Variants in MAPKBP1 observed in about 807,000 individuals in gnomAD.
The protein encoded by MAPKBP1 is mitogen-activated protein kinase binding protein 1.
MAPKBP1 carries 71 observed loss-of-function variants against 170.5 expected under a neutral mutation model. That is an observed-to-expected ratio of 0.42 (90% CI 0.34 to 0.51). The LOEUF (loss-of-function observed/expected upper bound fraction) is 0.51. Among genes scored for constraint, MAPKBP1 ranks in the 20% least tolerant of loss-of-function variants. The pLI, the probability that MAPKBP1 is intolerant of heterozygous loss-of-function variation, is 0.06. For synonymous variants in MAPKBP1, 719 were observed against 757.9 expected (o/e 0.95, Z 0.84); for missense variants, 1,598 against 1,933.0 (o/e 0.83, Z 3.25).
At chr15:41,812,464 T>G (rs926848688) in intron 6 of MAPKBP1, 52 bp from the exon 7 acceptor site, 17 of 1,611,776 alleles carry the variant, frequency 1.1e-5, no homozygotes, top group African/African-American at 5.3e-5. Context: ...AGTCACTGTC[T>G]TCTTAGCTCC....
Position 41,822,691 on chromosome 15 carries a change from C to T in MAPKBP1, c.3314+14C>T, listed in dbSNP as rs1464542140. ...CCGCCCACTCAGGTACAGAGGCCCC[C>T]TACCCCCCAGCAGCAGCTCTGGCTC... On this transcript the variant is annotated intron_variant, in intron 27 of 30. Transcript: ENST00000457542. The T allele has an allele frequency of 1.2e-6, 2 of 1,613,676 alleles. No individual in the cohort carries two copies. The highest frequency in any genetic ancestry group is 2.2e-5 in the South Asian group (2 of 91,074).
chr15:41,825,507 A>C lies in MAPKBP1; in HGVS notation c.*71A>C. On this transcript the variant is annotated 3_prime_UTR_variant, in exon 31 of 31. Coordinates refer to ENST00000457542, the MANE Select transcript of MAPKBP1 (RefSeq NM_014994.3). The stretch of plus-strand genomic sequence containing the variant: ...AACTGCAGCCCCTCTGCCCCTCACC[A>C]AAACCTGCGGGGCTGCTTGGAGTGG... 2.9e-6 allele frequency: 4 copies of C among 1,376,734 alleles called. No homozygotes were observed. The highest frequency in any genetic ancestry group is 3.9e-6 in the Non-Finnish European group (4 of 1,012,906). The allele number at this position is 1,376,734 out of a possible 1,614,324, so 85.3% of individuals were successfully genotyped here. A position where few individuals can be genotyped will look rare whatever the true frequency, so the allele number is the denominator to read the frequency against.
In MAPKBP1 at chr15:41,825,457, G is replaced by A. The variant is rs1469332964; in HGVS notation, c.*21G>A. ...TCTGAGTTCTGGAAGCCTGTCCCAA[G>A]TGAATGAATGCTCCAGCGATTCCAA... is the stretch of plus-strand genomic sequence containing the variant. On this transcript the variant is annotated 3_prime_UTR_variant, in exon 31 of 31. Coordinates refer to ENST00000457542, the MANE Select transcript of MAPKBP1 (RefSeq NM_014994.3). 6.4e-7 allele frequency: 1 copy of A among 1,572,726 alleles called. No individual in the cohort carries two copies. The highest frequency in any genetic ancestry group is 8.7e-7 in the Non-Finnish European group (1 of 1,152,778).
At chr15:41,812,753 C>T in intron 7 of MAPKBP1, 100 bp downstream of exon 7, 2 of 1,487,788 alleles carry the variant, frequency 1.3e-6, no homozygotes, top group Non-Finnish European at 1.8e-6. Context: ...CTCTGCATTC[C>T]CAGCAGTCAT....
intron 11 of MAPKBP1, 33 bp from the exon 12 acceptor site, chr15:41,815,591 G>C (rs759760650): frequency 2.0e-5 from 32 of 1,601,510 alleles, no homozygotes; most frequent in Non-Finnish European, 2.6e-5. Context: ...GGTCAGGCCT[G>C]CCTCATCCAC....
At chr15:41,819,557 G>GCAGCC in intron 21 of MAPKBP1, 38 bp from the exon 22 acceptor site, 1 of 1,384,690 alleles carries the variant, frequency 7.2e-7, no homozygotes, top group Non-Finnish European at 1.0e-6. Context: ...CGGGGGGGGG[G>GCAGCC]CAGGAGACAC....
At chr15:41,806,372 C>G (rs1176925952) in intron 3 of MAPKBP1, among the ~76,000 whole-genome samples, 1 of 152,194 alleles carries the variant, frequency 6.6e-6, no homozygotes, top group Non-Finnish European at 1.5e-5. Flanking sequence ...TGAAAGAAAA[C>G]AATTCAAAGG....
intron 4 of MAPKBP1, 108 bp from the exon 5 acceptor site, chr15:41,811,070 C>T (rs1308893788): frequency 6.6e-7 from 1 of 1,517,630 alleles, no homozygotes; most frequent in Non-Finnish European, 9.1e-7. Context: ...TGGGGAAGTG[C>T]CACATGTGCC....
chr15:41,807,880 T>C (rs2064727097), intron 3 of MAPKBP1, among the ~76,000 whole-genome samples: 1 of 151,632 alleles, frequency 6.6e-6, no homozygotes, highest in African/African-American at 2.4e-5. Context: ...CTACTAAAAA[T>C]ATAAAAAAAT....
At chr15:41,800,037 T>C (rs1405876195) in intron 3 of MAPKBP1, 123 bp downstream of exon 3, 2 of 828,918 alleles carry the variant, frequency 2.4e-6, no homozygotes, top group Non-Finnish European at 4.0e-6. Flanking sequence ...TGTTTTGTTG[T>C]CATTTTTGTA....
intron 11 of MAPKBP1, 64 bp from the exon 12 acceptor site, chr15:41,815,560 C>G (rs1029531002): frequency 1.3e-5 from 21 of 1,565,616 alleles, no homozygotes; most frequent in Non-Finnish European, 1.7e-5. Context: ...GCTCAGCTTT[C>G]TTGCCCCTTG....
Position 41,825,339 on chromosome 15 carries a change from C to T in MAPKBP1, c.4430C>T (p.Pro1477Leu), listed in dbSNP as rs1367712562. 2 of 1,613,280 alleles carry T rather than the reference C, an allele frequency of 1.2e-6. No homozygotes were observed. The highest frequency in any genetic ancestry group is 1.3e-5 in the African/African-American group (1 of 74,948). The change falls in exon 31 of 31, where the codon CCT (proline) becomes CTT (leucine). Residue 1477 changes from proline (P) to leucine (L), a missense_variant. Physicochemically the swap from Pro to Leu is moderately conservative, Grantham distance 98. Coordinates refer to ENST00000457542, the MANE Select transcript of MAPKBP1 (RefSeq NM_014994.3). ...GTGCTGTCCAGCCCAGGCAGCAGCC[C>T]TGGGGCTGTGGGAGCCGAGCAGACA... is the stretch of plus-strand genomic sequence containing the variant. The part of the protein sequence containing the change: ...GAVLSSPGSS[P>L]GAVGAEQTQA...
Position 41,815,185 on chromosome 15 carries a change from C to A in MAPKBP1, c.1171-74C>A, listed in dbSNP as rs1029064703. 1.7e-5 allele frequency: 27 copies of A among 1,573,776 alleles called. No individual in the cohort carries two copies. The African/African-American group carries it at 3.5e-4, about 20-fold the overall frequency. On this transcript the variant is annotated intron_variant, in intron 10 of 30. Transcript: ENST00000457542. Reference sequence around the variant, plus strand: ...CCACCATTCCCTTTTTCGTCCCATTCCCTTCCATCTCCTTGGGTAGGCAGA... The same window carrying A: ...CCACCATTCCCTTTTTCGTCCCATTACCTTCCATCTCCTTGGGTAGGCAGA...
chr15:41,825,379 G>A lies in MAPKBP1; in HGVS notation c.4470G>A (p.Glu1490=). The change falls in exon 31 of 31, where the codon GAG becomes GAA. Residue 1490 remains glutamate (E), a synonymous_variant. Transcript: ENST00000457542. Reference sequence around the variant, plus strand: ...CCGAGCAGACACAGGCCCTGCTGGAGCAATACTCAGAACTGTTGCTTCGAG... The same window carrying A: ...CCGAGCAGACACAGGCCCTGCTGGAACAATACTCAGAACTGTTGCTTCGAG... ...VGAEQTQALL[E]QYSELLLRAV... 1.2e-6 allele frequency: 2 copies of A among 1,613,540 alleles called. No homozygotes were observed. Among genetic ancestry groups the A allele is most frequent in the Non-Finnish European group, 1.7e-6 (2 of 1,179,990 alleles).
chr15:41,815,736 G>A lies in MAPKBP1; in HGVS notation c.1430G>A (p.Arg477His). The change falls in exon 12 of 31, where the codon CGC becomes CAC. Residue 477 changes from arginine to histidine, a missense_variant. Physicochemically the swap from Arg to His is conservative, Grantham distance 29. Around this residue, in one of 6 missense-constraint regions of MAPKBP1, gnomAD observed 430 missense variants for 617.2 expected, o/e 0.70. Transcript: ENST00000457542. ...CTGTTGGATCCCCGCGTGGGCATCC[G>A]CTCGGTGTGTGTCAGCCCCAATGGA... ...ASLLDPRVGI[R>H]SVCVSPNGQH... 3 of 1,614,168 alleles carry A rather than the reference G, an allele frequency of 1.9e-6. No individual in the cohort carries two copies. The highest frequency in any genetic ancestry group is 2.5e-6 in the Non-Finnish European group (3 of 1,180,030).
At chr15:41,796,368 CAGAGGG>C (rs1241907845) in intron 2 of MAPKBP1, among the ~76,000 whole-genome samples, 1 of 152,152 alleles carries the variant, frequency 6.6e-6, no homozygotes, top group Non-Finnish European at 1.5e-5. Flanking sequence ...AGAAGGTTAT[CAGAGGG>C]AGAGTCAGTT....
At chr15:41,815,910 TAC>T in intron 12 of MAPKBP1, 111 bp downstream of exon 12, 1 of 1,108,366 alleles carries the variant, frequency 9.0e-7, no homozygotes, top group South Asian at 1.6e-5. Flanking sequence ...GATACTTATT[TAC>T]AAGGCAAAGA....
intron 3 of MAPKBP1, chr15:41,810,626 G>A: frequency 2.2e-6 from 1 of 446,258 alleles, no homozygotes. Flanking sequence ...GGCTAAGGTG[G>A]GAGGATTGCT....
chr15:41,813,741 C>A lies in MAPKBP1; in HGVS notation c.940C>A (p.His314Asn). 1 of 1,611,726 alleles carries A rather than the reference C, an allele frequency of 6.2e-7. No individual in the cohort carries two copies. Among genetic ancestry groups the A allele is most frequent in the Non-Finnish European group, 8.5e-7 (1 of 1,179,010 alleles). ...CTTCCTTAGCACCTTGCCCCGACCCCATGCTCTGGGGACAGACATTGCTAG... is the reference window on the plus strand; with the variant it reads ...CTTCCTTAGCACCTTGCCCCGACCCAATGCTCTGGGGACAGACATTGCTAG... ...LHFLSTLPRPHALGTDIASVT... is the reference protein window; with the variant it reads ...LHFLSTLPRPNALGTDIASVT... Residue 314 changes from histidine to asparagine, a missense_variant, in exon 9 of 31, where the codon CAT (histidine) becomes AAT (asparagine). His to Asn is a moderately conservative substitution (Grantham distance 68). Around this residue, in one of 6 missense-constraint regions of MAPKBP1, gnomAD observed 430 missense variants for 617.2 expected, o/e 0.70. Transcript: ENST00000457542.
Sources: gnomAD v4.1 joint callset for allele counts (sites outside exome capture counted in the v4.1 genomes callset) on GRCh38, gnomAD v4.1.1 for gene constraint, gnomAD v4.1.1 regional missense constraint, MANE v1.5 for transcripts, NCBI Gene and HGNC (gene_info 2026-07-23, HGNC 2026-07-21) for gene names.